The following LIN52 variants were observed in gnomAD, a reference collection of about 807,000 sequenced individuals.
LIN52 encodes protein lin-52 homolog.
LIN52 carries 4 observed loss-of-function variants against 18.5 expected under a neutral mutation model. The observed-to-expected ratio is 0.22, with a 90% CI of 0.11 to 0.49. LIN52 has a LOEUF of 0.49. Among genes scored for constraint, LIN52 ranks in the 20% least tolerant of loss-of-function variants. The pLI, the probability that LIN52 is intolerant of heterozygous loss-of-function variation, is 0.97. For synonymous variants in LIN52, 34 were observed against 45.5 expected, an observed-to-expected ratio of 0.75 and a Z score of 1.02; for missense variants, 102 against 139.5, an observed-to-expected ratio of 0.73 and a Z score of 1.35.
Position 74,130,278 on chromosome 14 carries a change from G to GTTTTTTTTTTTTGT in LIN52, c.283+29052_283+29053insGTTTTTTTTTTTTT, listed in dbSNP as rs2061055403. Among the ~76,000 whole-genome samples, 11 of 64,822 alleles carry GTTTTTTTTTTTTGT rather than the reference G, an allele frequency of 1.7e-4. 1 individual carries two copies. In the East Asian group the frequency reaches 4.6e-3, roughly 27 times the overall value. The allele number at this position is 64,822 out of a possible 152,430, so 42.5% of individuals were successfully genotyped here. On this transcript the variant is annotated intron_variant, in intron 5 of 5. Coordinates refer to ENST00000555028, the MANE Select transcript of LIN52 (RefSeq NM_001024674.3). The stretch of plus-strand genomic sequence containing the variant: ...GAATTTATTAGATAGGCATTTTTTG[G>GTTTTTTTTTTTTGT]TTTTTTTTTTTTTTTTTTGAGACAG...
At chr14:74,157,543 C>A (rs1021559518) in intron 5 of LIN52, among the ~76,000 whole-genome samples, 1 of 151,822 alleles carries the variant, frequency 6.6e-6, no homozygotes, top group Non-Finnish European at 1.5e-5. Context: ...CTTGGCCCAC[C>A]TCAGCTTCGA....
chr14:74,090,181 A>G (rs7149639), intron 1 of LIN52, among the ~76,000 whole-genome samples: 34,073 of 151,388 alleles, frequency 0.23, 4,160 homozygotes, highest in South Asian at 0.46. Context: ...CCCATGCCTG[A>G]CCAATTTTTG....
chr14:74,175,748 A>ACACACACC (rs796441764), intron 5 of LIN52, among the ~76,000 whole-genome samples: 1,010 of 98,782 alleles, frequency 0.01, 11 homozygotes, highest in Non-Finnish European at 0.015. Flanking sequence ...ACACACACAC[A>ACACACACC]CACCCCCATT....
chr14:74,123,163 C>T (rs1274308783), intron 5 of LIN52, among the ~76,000 whole-genome samples: 1 of 152,166 alleles, frequency 6.6e-6, no homozygotes, highest in Non-Finnish European at 1.5e-5. Context: ...TCTTAGGTCA[C>T]TTTGCTAACA....
chr14:74,153,858 T>A (rs1056903509), intron 5 of LIN52, among the ~76,000 whole-genome samples: 9 of 152,246 alleles, frequency 5.9e-5, no homozygotes, highest in African/African-American at 1.9e-4. Context: ...ATGATTTTTT[T>A]AAACTCTATC....
intron 5 of LIN52, among the ~76,000 whole-genome samples, chr14:74,116,559 A>G (rs1325925739): frequency 1.3e-5 from 2 of 152,006 alleles, no homozygotes; most frequent in Non-Finnish European, 2.9e-5. Flanking sequence ...TACAAAAATT[A>G]GTCACTCGTA....
chr14:74,138,358 GA>G (rs1204845015), intron 5 of LIN52, among the ~76,000 whole-genome samples: 3 of 152,184 alleles, frequency 2.0e-5, no homozygotes, highest in Non-Finnish European at 4.4e-5. Context: ...TATTTTGGGG[GA>G]AAATTGATAA....
chr14:74,152,279 A>C (rs2061179902), intron 5 of LIN52, among the ~76,000 whole-genome samples: 1 of 149,588 alleles, frequency 6.7e-6, no homozygotes. Context: ...AAAAAAAAAG[A>C]ATGCTGTGTT....
intron 5 of LIN52, among the ~76,000 whole-genome samples, chr14:74,185,309 C>CTTTTTTTTTTTTTTTTT (rs71115969): frequency 3.8e-5 from 3 of 78,786 alleles, no homozygotes; most frequent in Non-Finnish European, 4.4e-5. Flanking sequence ...ATAATGATTT[C>CTTTTTTTTTTTTTTTTT]TTTTTTTTTT....
chr14:74,179,696 C>A (rs28625146), intron 5 of LIN52, among the ~76,000 whole-genome samples: 2,809 of 150,992 alleles, frequency 0.019, 56 homozygotes, highest in African/African-American at 0.05. Context: ...AAATCTAATT[C>A]TTCGGCTAAA....
intron 5 of LIN52, among the ~76,000 whole-genome samples, chr14:74,107,795 A>G (rs1269530521): frequency 6.6e-6 from 1 of 152,168 alleles, no homozygotes; most frequent in Non-Finnish European, 1.5e-5. Flanking sequence ...AGAGGATTGT[A>G]TCATTTGAAA....
intron 5 of LIN52, among the ~76,000 whole-genome samples, chr14:74,102,857 A>G (rs2060867588): frequency 6.6e-6 from 1 of 152,210 alleles, no homozygotes; most frequent in Admixed American, 6.5e-5. Context: ...GAGAAAGGTA[A>G]TGAAGTATTT....
intron 5 of LIN52, among the ~76,000 whole-genome samples, chr14:74,175,345 T>C (rs1218282163): frequency 6.6e-6 from 1 of 151,890 alleles, no homozygotes; most frequent in Non-Finnish European, 1.5e-5. Flanking sequence ...TGGTGGCTCA[T>C]GTTTATAATC....
At chr14:74,101,625 A>AT (rs1337463715) in intron 5 of LIN52, among the ~76,000 whole-genome samples, 11 of 151,300 alleles carry the variant, frequency 7.3e-5, no homozygotes, top group Middle Eastern at 3.4e-3. Flanking sequence ...CGCCCGGCTG[A>AT]TTTTTTTTGT....
At chr14:74,113,783 A>G (rs1294685689) in intron 5 of LIN52, among the ~76,000 whole-genome samples, 3 of 152,136 alleles carry the variant, frequency 2.0e-5, no homozygotes, top group Admixed American at 1.3e-4. Flanking sequence ...AAAAATAAAG[A>G]AGAAAGTAAA....
At chr14:74,153,744 A>G (rs887050824) in intron 5 of LIN52, among the ~76,000 whole-genome samples, 7 of 152,026 alleles carry the variant, frequency 4.6e-5, no homozygotes, top group African/African-American at 1.7e-4. Context: ...GAGTTTCACC[A>G]TGTTGGTCAG....
intron 5 of LIN52, among the ~76,000 whole-genome samples, chr14:74,137,130 T>G (rs938451812): frequency 6.7e-6 from 1 of 148,666 alleles, no homozygotes; most frequent in Non-Finnish European, 1.5e-5. Flanking sequence ...CAAACCCCCC[T>G]CTGTGTGTGT....
intron 5 of LIN52, among the ~76,000 whole-genome samples, chr14:74,153,389 C>T (rs1264684265): frequency 5.9e-5 from 9 of 152,116 alleles, no homozygotes; most frequent in Admixed American, 4.6e-4. Flanking sequence ...GGGTTATCTT[C>T]TAGAGAATAC....
At chr14:74,088,643 A>C (rs1426129420) in intron 1 of LIN52, among the ~76,000 whole-genome samples, 1 of 152,220 alleles carries the variant, frequency 6.6e-6, no homozygotes. Context: ...TTAAAATGCC[A>C]TTGGAAATTC....
Sources: gnomAD v4.1 joint callset for allele counts (sites outside exome capture counted in the v4.1 genomes callset) on GRCh38, gnomAD v4.1.1 for gene constraint, MANE v1.5 for transcripts, NCBI Gene and HGNC (gene_info 2026-07-23, HGNC 2026-07-21) for gene names.